Variants in CNTNAP5 observed in about 807,000 individuals in gnomAD.
The protein encoded by CNTNAP5 is contactin-associated protein-like 5.
In CNTNAP5, 72 loss-of-function variants were observed where a neutral mutation model predicts 150.2. The ratio of observed to expected loss-of-function variants is 0.48; its 90% CI spans 0.40 to 0.58. CNTNAP5 has a LOEUF of 0.58. Among genes scored for constraint, CNTNAP5 ranks in the 20% least tolerant of loss-of-function variants. The pLI is 0.00. For synonymous variants in CNTNAP5, 672 were observed against 619.8 expected (o/e 1.08, Z -1.25); for missense variants, 1,636 against 1,626.2 (o/e 1.01, Z -0.10).
intron 1 of CNTNAP5, among the ~76,000 whole-genome samples, chr2:124,195,067 A>G (rs1011190304): frequency 1.3e-5 from 2 of 152,084 alleles, no homozygotes; most frequent in African/African-American, 2.4e-5. Context: ...CTCAAAAAGC[A>G]TAAAAAACAT....
intron 1 of CNTNAP5, among the ~76,000 whole-genome samples, chr2:124,090,359 C>T (rs548214200): frequency 2.0e-5 from 3 of 152,134 alleles, no homozygotes; most frequent in Non-Finnish European, 4.4e-5. Flanking sequence ...ACTTGCAAAG[C>T]ACTTCCTGAG....
intron 17 of CNTNAP5, among the ~76,000 whole-genome samples, chr2:124,786,419 G>GAAAGA (rs1279676806): frequency 2.9e-5 from 3 of 104,396 alleles, no homozygotes; most frequent in Admixed American, 9.9e-5. Flanking sequence ...AGGAAGGAAG[G>GAAAGA]AAGGAAGGAA....
chr2:124,366,860 G>A (rs779280230), intron 3 of CNTNAP5, among the ~76,000 whole-genome samples: 3 of 152,108 alleles, frequency 2.0e-5, no homozygotes, highest in Non-Finnish European at 4.4e-5. Context: ...CCAGGAAGGA[G>A]GCATAACATT....
chr2:124,323,105 T>C (rs912045829), intron 3 of CNTNAP5, among the ~76,000 whole-genome samples: 1 of 152,178 alleles, frequency 6.6e-6, no homozygotes, highest in African/African-American at 2.4e-5. Context: ...TATAATCTTA[T>C]AAGTAATTTG....
chr2:124,693,432 A>C (rs1212577511), intron 13 of CNTNAP5, among the ~76,000 whole-genome samples: 1 of 152,116 alleles, frequency 6.6e-6, no homozygotes, highest in East Asian at 1.9e-4. Context: ...ACAAAGATGA[A>C]TATCATAAGT....
rs890553267 is a variant in CNTNAP5, at chr2:124,916,810, G to A, written c.*2522G>A. 6.6e-6 allele frequency among the ~76,000 whole-genome samples: 1 copy of A among 151,968 alleles called. No individual in the cohort carries two copies. The highest frequency in any genetic ancestry group is 1.5e-5 in the Non-Finnish European group (1 of 67,978). ...ACCTAAATGTAGATGCCAGGACAGT[G>A]CCGTCTACACGTCACTCCTATAAGT... On this transcript the variant is annotated 3_prime_UTR_variant, in exon 24 of 24. Transcript: ENST00000682447.
chr2:124,216,020 C>G (rs567983683), intron 1 of CNTNAP5, among the ~76,000 whole-genome samples: 6 of 152,236 alleles, frequency 3.9e-5, no homozygotes, highest in Admixed American at 3.3e-4. Context: ...TAAGCTCCCC[C>G]CAAACCCTTA....
intron 1 of CNTNAP5, among the ~76,000 whole-genome samples, chr2:124,069,246 C>G (rs1389608353): frequency 2.0e-5 from 3 of 152,158 alleles, no homozygotes; most frequent in East Asian, 1.9e-4. Context: ...CACGATGAGA[C>G]TCCTCTGACT....
chr2:124,633,751 G>C (rs1034712030), intron 12 of CNTNAP5, among the ~76,000 whole-genome samples: 1 of 152,192 alleles, frequency 6.6e-6, no homozygotes. Flanking sequence ...GGACATACAG[G>C]CTTTCCAAAT....
chr2:124,243,461 C>A (rs1258192459), intron 3 of CNTNAP5, among the ~76,000 whole-genome samples: 3 of 152,088 alleles, frequency 2.0e-5, no homozygotes, highest in Non-Finnish European at 4.4e-5. Flanking sequence ...TGAAAACAGT[C>A]ATAAATTGAG....
intron 6 of CNTNAP5, among the ~76,000 whole-genome samples, chr2:124,448,324 T>C (rs1265795338): frequency 6.6e-6 from 1 of 151,430 alleles, no homozygotes; most frequent in Non-Finnish European, 1.5e-5. Flanking sequence ...TTGAAATTAG[T>C]TTTAAAAGCT....
Position 124,242,283 on chromosome 2 carries a change from G to A in CNTNAP5, c.271G>A (p.Val91Met). Residue 91 changes from valine (V) to methionine (M), a missense_variant, in exon 3 of 24, where the codon GTG becomes ATG. Val to Met is a conservative substitution (Grantham distance 21). Coordinates refer to ENST00000682447, the MANE Select transcript of CNTNAP5 (RefSeq NM_001367498.1). Reference sequence around the variant, plus strand: ...GGGAAACAGAGTAGAGATTACAGCAGTGGCCACGCAGGGAAGATACGGAAG... The same window carrying A: ...GGGAAACAGAGTAGAGATTACAGCAATGGCCACGCAGGGAAGATACGGAAG... ...DLGNRVEITAVATQGRYGSSD... is the reference protein window; with the variant it reads ...DLGNRVEITAMATQGRYGSSD... The A allele has an allele frequency of 6.2e-7, 1 of 1,611,286 alleles. No individual in the cohort carries two copies.
intron 1 of CNTNAP5, among the ~76,000 whole-genome samples, chr2:124,145,797 A>T (rs186896237): frequency 0.1 from 8,729 of 86,376 alleles, 367 homozygotes; most frequent in East Asian, 0.39. Flanking sequence ...AGTATAATAA[A>T]AAAAAAAAAA....
At chr2:124,270,620 G>A (rs17665782) in intron 3 of CNTNAP5, among the ~76,000 whole-genome samples, 1 of 152,122 alleles carries the variant, frequency 6.6e-6, no homozygotes, top group African/African-American at 2.4e-5. Context: ...TTAAGGAGGA[G>A]AGTGAGAATG....
intron 12 of CNTNAP5, among the ~76,000 whole-genome samples, chr2:124,634,945 T>C (rs1504021): frequency 0.43 from 65,060 of 151,998 alleles, 15,799 homozygotes; most frequent in Non-Finnish European, 0.56. Context: ...TTCTGAGCCC[T>C]TCAAACTGTT....
At chr2:124,454,974 C>T (rs889147823) in intron 6 of CNTNAP5, among the ~76,000 whole-genome samples, 1 of 151,974 alleles carries the variant, frequency 6.6e-6, no homozygotes, top group African/African-American at 2.4e-5. Context: ...TCTAAGGTCA[C>T]ACCTCAAGAA....
intron 13 of CNTNAP5, among the ~76,000 whole-genome samples, chr2:124,656,415 C>CA (rs1376118786): frequency 6.6e-6 from 1 of 152,082 alleles, no homozygotes; most frequent in Non-Finnish European, 1.5e-5. Flanking sequence ...CCACAGCTTT[C>CA]AAAAATAAAG....
chr2:124,194,395 AT>A (rs1267065433), intron 1 of CNTNAP5, among the ~76,000 whole-genome samples: 8,248 of 25,480 alleles, frequency 0.32, 353 homozygotes, highest in Middle Eastern at 0.42. Context: ...ATATATATAT[AT>A]ATATATATAT....
chr2:124,771,945 A>C (rs1681205018), intron 16 of CNTNAP5, among the ~76,000 whole-genome samples: 1 of 146,666 alleles, frequency 6.8e-6, no homozygotes, highest in South Asian at 2.2e-4. Context: ...CTATCACCAC[A>C]ACCATTATCA....
Sources: gnomAD v4.1 joint callset for allele counts (sites outside exome capture counted in the v4.1 genomes callset) on GRCh38, gnomAD v4.1.1 for gene constraint, MANE v1.5 for transcripts, NCBI Gene and HGNC (gene_info 2026-07-23, HGNC 2026-07-21) for gene names.